Variants in UBE2D3 observed in about 807,000 individuals in gnomAD.
The protein encoded by UBE2D3 is ubiquitin-conjugating enzyme E2 D3.
In UBE2D3, 2 loss-of-function variants were observed where a neutral mutation model predicts 22.8. The observed-to-expected ratio is 0.09, with a 90% CI of 0.04 to 0.28. The LOEUF (loss-of-function observed/expected upper bound fraction) is 0.28. Ranked by LOEUF, UBE2D3 falls within the 10% of genes least tolerant of loss-of-function variation. The probability of loss-of-function intolerance (pLI) is 1.00; values close to 1 mark genes in which losing one functional copy is unlikely to be tolerated. For synonymous variants in UBE2D3, 56 were observed against 60.4 expected (o/e 0.93, Z 0.34); for missense variants, 27 against 182.5 (o/e 0.15, Z 4.91).
At chr4:102,827,915 C>T (rs1164590370), upstream of UBE2D3, 15 of 985,474 alleles carry the variant, frequency 1.5e-5, no homozygotes, top group African/African-American at 7.0e-5. Flanking sequence ...CCCCACGCCC[C>T]TCCCCACAGC....
chr4:102,813,546 T>C (rs968213888), intron 2 of UBE2D3, among the ~76,000 whole-genome samples: 1 of 152,152 alleles, frequency 6.6e-6, no homozygotes, highest in African/African-American at 2.4e-5. Context: ...TAAAATAGGA[T>C]AATGTAAGTA....
chr4:102,805,511 T>TTA (rs1373273755), intron 4 of UBE2D3, among the ~76,000 whole-genome samples: 171 of 150,528 alleles, frequency 1.1e-3, no homozygotes, highest in African/African-American at 4.1e-3. Context: ...TTTTTTTTTT[T>TTA]AAAGTGGTGC....
intron 1 of UBE2D3, among the ~76,000 whole-genome samples, chr4:102,835,929 G>T (rs146322023): frequency 6.6e-6 from 1 of 151,914 alleles, no homozygotes; most frequent in Non-Finnish European, 1.5e-5. Context: ...TTCTGTCACG[G>T]TAAATTAGTT....
chr4:102,806,122 T>C (rs1336155763), intron 4 of UBE2D3, among the ~76,000 whole-genome samples: 1 of 152,224 alleles, frequency 6.6e-6, no homozygotes. Flanking sequence ...GCTTGAAATC[T>C]ATGATAGTTT....
At chr4:102,865,108 A>G (rs1343814229) in intron 1 of UBE2D3, among the ~76,000 whole-genome samples, 1 of 152,234 alleles carries the variant, frequency 6.6e-6, no homozygotes, top group Admixed American at 6.5e-5. Flanking sequence ...TAGGGGTAGA[A>G]AAAGATTTCT....
chr4:102,801,669 A>C, intron 5 of UBE2D3, 110 bp from the exon 6 acceptor site: 1 of 869,684 alleles, frequency 1.1e-6, no homozygotes, highest in Non-Finnish European at 1.7e-6. Flanking sequence ...TTAGCATAGA[A>C]GTTCTAAATA....
At chr4:102,845,086 A>G (rs1731978748) in intron 1 of UBE2D3, among the ~76,000 whole-genome samples, 1 of 151,606 alleles carries the variant, frequency 6.6e-6, no homozygotes, top group South Asian at 2.1e-4. Context: ...CATCTCTACC[A>G]AAAACACAGA....
At chr4:102,814,150 C>T (rs1278520803) in intron 2 of UBE2D3, among the ~76,000 whole-genome samples, 2 of 152,100 alleles carry the variant, frequency 1.3e-5, no homozygotes, top group East Asian at 1.9e-4. Context: ...TACAGAAATT[C>T]ATATCGCAGT....
intron 4 of UBE2D3, chr4:102,809,441 A>G: frequency 1.9e-6 from 1 of 518,062 alleles, no homozygotes; most frequent in Non-Finnish European, 3.5e-6. Context: ...GATGTTTGGT[A>G]GGTCATAGAG....
chr4:102,798,833 T>C (rs1380972048), intron 7 of UBE2D3: 6 of 1,154,930 alleles, frequency 5.2e-6, no homozygotes, highest in Non-Finnish European at 6.3e-6. Context: ...CCATATTTGT[T>C]ACCTTTTGTT....
At chr4:102,817,540 G>A (rs988908291) in intron 2 of UBE2D3, among the ~76,000 whole-genome samples, 1 of 152,112 alleles carries the variant, frequency 6.6e-6, no homozygotes, top group African/African-American at 2.4e-5. Flanking sequence ...TTTGGACTAG[G>A]GGTAAGTTTC....
chr4:102,824,994 C>T (rs552121085), intron 2 of UBE2D3, among the ~76,000 whole-genome samples: 9 of 152,272 alleles, frequency 5.9e-5, no homozygotes, highest in Admixed American at 5.2e-4. Context: ...TTTCGCATAA[C>T]CCAAAATGAC....
At chr4:102,867,909 A>T (rs989463924) in intron 1 of UBE2D3, among the ~76,000 whole-genome samples, 20 of 150,148 alleles carry the variant, frequency 1.3e-4, no homozygotes, top group South Asian at 4.2e-4. Context: ...ATGAAAAAAA[A>T]TTTTTTTTTA....
chr4:102,815,924 A>G (rs1477167585), intron 2 of UBE2D3, among the ~76,000 whole-genome samples: 1 of 152,338 alleles, frequency 6.6e-6, no homozygotes, highest in East Asian at 1.9e-4. Flanking sequence ...ATAGTATCTA[A>G]TATTACTATT....
At chr4:102,806,285 T>G (rs994296354) in intron 4 of UBE2D3, among the ~76,000 whole-genome samples, 8 of 152,308 alleles carry the variant, frequency 5.3e-5, no homozygotes, top group Admixed American at 1.3e-4. Context: ...ACTTGGAATA[T>G]TCTTCCTTAT....
intron 1 of UBE2D3, among the ~76,000 whole-genome samples, chr4:102,868,344 A>G (rs540103499): frequency 7.2e-5 from 11 of 152,234 alleles, no homozygotes; most frequent in African/African-American, 2.6e-4. Flanking sequence ...CTGGGATTAC[A>G]GACGTGAGCC....
intron 2 of UBE2D3, chr4:102,810,299 C>G (rs937567966): frequency 6.6e-6 from 1 of 151,812 alleles, no homozygotes; most frequent in African/African-American, 2.4e-5. Context: ...TACCTGAAAA[C>G]AAACCAAAAA....
intron 5 of UBE2D3, 66 bp downstream of exon 5, chr4:102,802,495 G>A: frequency 7.5e-7 from 1 of 1,338,096 alleles, no homozygotes; most frequent in South Asian, 1.4e-5. Flanking sequence ...TATCTTCCAA[G>A]AATGCTCTAT....
intron 2 of UBE2D3, chr4:102,812,729 T>C (rs577160498): frequency 7.2e-5 from 11 of 152,290 alleles, no homozygotes; most frequent in African/African-American, 2.2e-4. Context: ...CAGCATGGAA[T>C]AAAATTGAAA....
Sources: gnomAD v4.1 joint callset for allele counts (sites outside exome capture counted in the v4.1 genomes callset) on GRCh38, gnomAD v4.1.1 for gene constraint, MANE v1.5 for transcripts, NCBI Gene and HGNC (gene_info 2026-07-23, HGNC 2026-07-21) for gene names.